CFAP74: variants seen among roughly 807,000 people sequenced by gnomAD.
CFAP74 encodes the protein cilia- and flagella-associated protein 74.
CFAP74 carries 124 observed loss-of-function variants against 188.9 expected under a neutral mutation model. That is an observed-to-expected ratio of 0.66 (90% CI 0.57 to 0.76). The LOEUF is 0.76. Ranked by LOEUF, CFAP74 falls within the 30% of genes least tolerant of loss-of-function variation. The probability of loss-of-function intolerance (pLI) is 0.00; values close to 1 mark genes in which losing one functional copy is unlikely to be tolerated. For synonymous variants in CFAP74, 956 were observed against 916.7 expected (o/e 1.04, Z -0.77); for missense variants, 2,198 against 2,165.2 (o/e 1.02, Z -0.30).
rs764093379 is a variant in CFAP74 at position 1,925,886 on chromosome 1, A to T, written c.4001T>A (p.Leu1334His). Residue 1334 changes from leucine (L) to histidine (H), a missense_variant, in exon 33 of 39, where the codon CTC becomes CAC. Coordinates refer to ENST00000682832, the MANE Select transcript of CFAP74 (RefSeq NM_001304360.2). ...ITKRGTLTLT[L>H]MGTGVASMIT... ...CATGGACGCCACGCCAGTGCCCATG[A>T]GGGTGAGGGTGAGCGTGCCTCTCTT... 1.2e-6 allele frequency: 2 copies of T among 1,612,570 alleles called. No individual in the cohort carries two copies. The highest frequency in any genetic ancestry group is 1.7e-6 in the Non-Finnish European group (2 of 1,179,854).
Position 1,990,927 on chromosome 1 carries a change from C to T in CFAP74, c.30G>A (p.Glu10=), listed in dbSNP as rs770994933. ...GAAGGGCATCGGCCAAAAGCTCGTC[C>T]TCAGGGAGCAGGCTGCCGTCATCCT... The part of the protein sequence containing the change: MEDDGSLLP[E]DELLADALLL... Residue 10 remains glutamate (E), a synonymous_variant, in exon 2 of 39, where the codon GAG becomes GAA. Transcript: ENST00000682832. 7 of 1,613,104 alleles carry T rather than the reference C, an allele frequency of 4.3e-6. No homozygotes were observed. The South Asian group carries it at 7.7e-5, about 18-fold the overall frequency.
At chr1:1,995,127 T>C (rs1261785224) in intron 1 of CFAP74, among the ~76,000 whole-genome samples, 1 of 152,112 alleles carries the variant, frequency 6.6e-6, no homozygotes, top group Non-Finnish European at 1.5e-5. Flanking sequence ...TGTGGTGACA[T>C]GGCTAGCCAG....
At chr1:1,970,562 G>A in intron 10 of CFAP74, 97 bp downstream of exon 10, 2 of 1,351,708 alleles carry the variant, frequency 1.5e-6, no homozygotes, top group Non-Finnish European at 2.0e-6. Context: ...GGGAGAGAGA[G>A]CAGCTTTGCT....
chr1:1,973,594 C>T lies in CFAP74; in HGVS notation c.674+431G>A, dbSNP rs924282458. Among the ~76,000 whole-genome samples the T allele has an allele frequency of 7.9e-5, 12 of 151,928 alleles. No homozygotes were observed. Among genetic ancestry groups the T allele is most frequent in the Admixed American group, 1.3e-4 (2 of 15,258 alleles). Reference sequence around the variant, plus strand: ...TGAGCAGGAGACTCATGACAGAAGACGTGTGGGGAATGGGCCTGAGTGCTC... The same window carrying T: ...TGAGCAGGAGACTCATGACAGAAGATGTGTGGGGAATGGGCCTGAGTGCTC... On this transcript the variant is annotated intron_variant, in intron 7 of 38. Coordinates refer to ENST00000682832, the MANE Select transcript of CFAP74 (RefSeq NM_001304360.2). The surrounding 1 kb of genome is among the most constrained non-coding windows in gnomAD (Gnocchi z 6.2).
intron 2 of CFAP74, among the ~76,000 whole-genome samples, chr1:1,989,178 C>G (rs1238098653): frequency 6.6e-6 from 1 of 151,952 alleles, no homozygotes; most frequent in Non-Finnish European, 1.5e-5. Flanking sequence ...GAGAGAGAGT[C>G]AGGGACATCC....
At chr1:1,972,907 C>T (rs1480501031) in intron 8 of CFAP74, 30 bp downstream of exon 8, 1 of 1,415,856 alleles carries the variant, frequency 7.1e-7, no homozygotes, top group Non-Finnish European at 1.0e-6. Flanking sequence ...TCTTGGGTTT[C>T]TCCTTAAGGA....
chr1:2,002,889 G>A (rs1439646621), intron 1 of CFAP74, among the ~76,000 whole-genome samples: 2 of 149,416 alleles, frequency 1.3e-5, no homozygotes, highest in African/African-American at 4.9e-5. Context: ...CACATGCATA[G>A]GTAGTAAAAC....
At chr1:1,974,585 G>A (rs375654814) in intron 6 of CFAP74, among the ~76,000 whole-genome samples, 2 of 151,932 alleles carry the variant, frequency 1.3e-5, no homozygotes, top group Non-Finnish European at 2.9e-5. Context: ...CAAATTGACC[G>A]GCACCCAAGA....
intron 4 of CFAP74, among the ~76,000 whole-genome samples, chr1:1,987,325 C>T (rs887377078): frequency 5.9e-5 from 9 of 152,294 alleles, no homozygotes; most frequent in Admixed American, 2.6e-4. Flanking sequence ...TAAACAAGCG[C>T]ACTCCTGCGT....
rs1172706350 is a variant in CFAP74, at chr1:1,975,845, C to A, written c.501-1647G>T. Among the ~76,000 whole-genome samples, 1 of 152,184 alleles carries A rather than the reference C, an allele frequency of 6.6e-6. No homozygotes were observed. Among genetic ancestry groups the A allele is most frequent in the Non-Finnish European group, 1.5e-5 (1 of 68,018 alleles). Reference sequence around the variant, plus strand: ...TGCCCGGTGATCAGTGCTCCAGTGGCCGTGGGAGCTAACAGCCTGCAGGGT... The same window carrying A: ...TGCCCGGTGATCAGTGCTCCAGTGGACGTGGGAGCTAACAGCCTGCAGGGT... On this transcript the variant is annotated intron_variant, in intron 6 of 38. Coordinates refer to ENST00000682832, the MANE Select transcript of CFAP74 (RefSeq NM_001304360.2). The surrounding 1 kb of genome is among the most constrained non-coding windows in gnomAD (Gnocchi z 4.5).
intron 1 of CFAP74, among the ~76,000 whole-genome samples, chr1:1,998,059 C>A (rs1455789199): frequency 1.3e-5 from 2 of 152,060 alleles, no homozygotes; most frequent in African/African-American, 2.4e-5. Flanking sequence ...GGGTGGATCA[C>A]CTGAGGTCAG....
chr1:1,922,424 T>A (rs28680721), intron 38 of CFAP74, 36 bp from the exon 39 acceptor site: 1 of 1,583,914 alleles, frequency 6.3e-7, no homozygotes, highest in Non-Finnish European at 8.6e-7. Context: ...AGGCCTTCAG[T>A]CAGTGGGCAC....
chr1:1,938,071 C>T (rs529773077), intron 25 of CFAP74, among the ~76,000 whole-genome samples: 1 of 148,772 alleles, frequency 6.7e-6, no homozygotes, highest in Non-Finnish European at 1.5e-5. Flanking sequence ...CTTACACACC[C>T]AACACACACG....
intron 1 of CFAP74, among the ~76,000 whole-genome samples, chr1:1,998,076 G>A (rs373973564): frequency 5.9e-5 from 9 of 152,246 alleles, no homozygotes; most frequent in South Asian, 2.1e-4. Context: ...TCAGGAGTTC[G>A]AGACCTGCCT....
intron 13 of CFAP74, 88 bp downstream of exon 13, chr1:1,964,799 CA>C: frequency 6.9e-7 from 1 of 1,455,814 alleles, no homozygotes. Context: ...CAAAAAAAAG[CA>C]AAAGGTGTCA....
rs28413536 is a variant in CFAP74 at position 1,979,264 on chromosome 1, T to G, written c.501-5066A>C. ...CACGTGTGTCGTGCTGAGCTGGGCG[T>G]GGGAAGGCGTCATGTGACGAGGCTG... is the stretch of plus-strand genomic sequence containing the variant. On this transcript the variant is annotated intron_variant, in intron 6 of 38. Coordinates refer to ENST00000682832, the MANE Select transcript of CFAP74 (RefSeq NM_001304360.2). 2.1e-3 allele frequency among the ~76,000 whole-genome samples: 240 copies of G among 113,050 alleles called. 8 individuals are homozygous for G. Among genetic ancestry groups the G allele is most frequent in the African/African-American group, 8.2e-3 (229 of 27,970 alleles). 74.2% of individuals were successfully genotyped at this position (113,050 alleles called of 152,430 possible).
At chr1:1,976,467 G>A (rs1383538016) in intron 6 of CFAP74, among the ~76,000 whole-genome samples, 1 of 152,008 alleles carries the variant, frequency 6.6e-6, no homozygotes, top group African/African-American at 2.4e-5. Flanking sequence ...GAGGCTTCCC[G>A]AGGCGCCCCG....
intron 18 of CFAP74, among the ~76,000 whole-genome samples, chr1:1,949,657 T>C (rs750450087): frequency 2.6e-5 from 4 of 152,204 alleles, no homozygotes; most frequent in Non-Finnish European, 5.9e-5. Flanking sequence ...TGCCCCTTTC[T>C]AGTCAACCCT....
At position 1,970,823 on chromosome 1, in the gene CFAP74, AAC is replaced by A. The variant is rs1558041417; in HGVS notation, c.889-9_889-8del. On this transcript the variant is annotated splice_region_variant and splice_polypyrimidine_tract_variant and intron_variant, in intron 9 of 38. Transcript: ENST00000682832. ...GGAACTTCCGCAGTGTGTCCTTGGAAACAGAGAGCACTGAGATGACAGCAGCA... is the reference window on the plus strand; with the variant it reads ...GGAACTTCCGCAGTGTGTCCTTGGAAAGAGAGCACTGAGATGACAGCAGCA... 1 of 1,613,816 alleles carries A rather than the reference AAC, an allele frequency of 6.2e-7. No individual in the cohort carries two copies. The highest frequency in any genetic ancestry group is 1.1e-5 in the South Asian group (1 of 91,084).
Sources: allele counts gnomAD v4.1 joint callset (sites outside exome capture counted in the v4.1 genomes callset), GRCh38; gene constraint gnomAD v4.1.1; non-coding constraint Gnocchi (gnomAD v3.1); transcripts MANE v1.5; gene names NCBI Gene and HGNC (gene_info 2026-07-23, HGNC 2026-07-21).